STK33: variants seen among roughly 807,000 people sequenced by gnomAD.
The protein encoded by STK33 is serine/threonine-protein kinase 33.
In STK33, 52 loss-of-function variants were observed where a neutral mutation model predicts 58.0. The ratio of observed to expected loss-of-function variants is 0.90; its 90% confidence interval spans 0.72 to 1.13. The LOEUF (loss-of-function observed/expected upper bound fraction) is 1.13, where lower values mean the gene tolerates loss of function less well. Ranked by LOEUF, STK33 falls within the 50% of genes most tolerant of loss-of-function variation. The probability of loss-of-function intolerance (pLI) is 0.00; values close to 1 mark genes in which losing one functional copy is unlikely to be tolerated. For missense variants in STK33, 630 were observed against 604.2 expected (o/e 1.04, Z -0.45); for synonymous variants, 215 against 200.1 (o/e 1.07, Z -0.63).
intron 1 of STK33, among the ~76,000 whole-genome samples, chr11:8,524,567 G>A (rs1360985124): frequency 6.6e-6 from 1 of 152,048 alleles, no homozygotes; most frequent in African/African-American, 2.4e-5. Context: ...AAACCATGAT[G>A]AACTATCTTA....
At chr11:8,484,973 AG>A (rs1950100356) in intron 1 of STK33, among the ~76,000 whole-genome samples, 1 of 152,208 alleles carries the variant, frequency 6.6e-6, no homozygotes, top group Admixed American at 6.5e-5. Flanking sequence ...TTTGGAGCCA[AG>A]GGATTTTTCT....
intron 1 of STK33, among the ~76,000 whole-genome samples, chr11:8,527,924 T>C (rs1206094853): frequency 2.6e-5 from 4 of 152,242 alleles, no homozygotes; most frequent in African/African-American, 4.8e-5. Flanking sequence ...ATTTGAATTA[T>C]ATAAATTATC....
intron 14 of STK33, among the ~76,000 whole-genome samples, chr11:8,418,269 GT>G (rs1331779425): frequency 2.0e-5 from 3 of 151,948 alleles, no homozygotes; most frequent in African/African-American, 7.3e-5. Context: ...TAGTCCCAGT[GT>G]CTGTTGTTCC....
At chr11:8,517,938 C>T (rs1952965322) in intron 1 of STK33, among the ~76,000 whole-genome samples, 1 of 152,144 alleles carries the variant, frequency 6.6e-6, no homozygotes, top group African/African-American at 2.4e-5. Context: ...TCCAGGAGAA[C>T]TTCCCCAACC....
chr11:8,390,023 G>A (rs1393781297), downstream of STK33, among the ~76,000 whole-genome samples: 2 of 152,148 alleles, frequency 1.3e-5, no homozygotes, highest in Non-Finnish European at 2.9e-5. Context: ...TCCGGCTTTG[G>A]CAGAACCATG....
chr11:8,337,594 A>G, the STK33 span, among the ~76,000 whole-genome samples: 1 of 121,042 alleles, frequency 8.3e-6, no homozygotes. Flanking sequence ...CGGAGCCACG[A>G]GGCAGCCTGC....
At chr11:8,506,107 A>G (rs948057149) in intron 1 of STK33, among the ~76,000 whole-genome samples, 10 of 152,192 alleles carry the variant, frequency 6.6e-5, no homozygotes, top group African/African-American at 2.4e-4. Flanking sequence ...ACCCAGTCCA[A>G]TTTTGATAGC....
At chr11:8,466,525 A>G (rs1437399072) in intron 6 of STK33, 2 of 152,222 alleles carry the variant, frequency 1.3e-5, no homozygotes, top group Non-Finnish European at 2.9e-5. Context: ...GTAGGTTCCC[A>G]TAGTCTTGGG....
chr11:8,420,471 G>T (rs545014584), intron 14 of STK33, among the ~76,000 whole-genome samples: 11 of 152,260 alleles, frequency 7.2e-5, no homozygotes, highest in African/African-American at 1.7e-4. Context: ...TGCCTGCCAA[G>T]AATTTCTAGT....
At chr11:8,411,449 T>C (rs1940226650) in intron 15 of STK33, among the ~76,000 whole-genome samples, 1 of 152,226 alleles carries the variant, frequency 6.6e-6, no homozygotes, top group Non-Finnish European at 1.5e-5. Context: ...GGTGCTGAGT[T>C]CAAGTGCTTT....
rs183745538 is a variant in STK33, at chr11:8,399,049, A to T, written c.1345-6339T>A. 5.9e-3 allele frequency among the ~76,000 whole-genome samples: 893 copies of T among 152,296 alleles called. 9 individuals are homozygous for T. The highest frequency in any genetic ancestry group is 0.02 in the African/African-American group (822 of 41,546). On this transcript the variant is annotated intron_variant, in intron 15 of 15. Coordinates refer to ENST00000687296, the MANE Select transcript of STK33 (RefSeq NM_001352389.2). ...TTTAACACCCCACTGTCAACATTAG[A>T]CAGATCAACGAGACAGAAAGTTAAA...
the STK33 span, among the ~76,000 whole-genome samples, chr11:8,336,942 A>G: frequency 1.3e-5 from 2 of 152,228 alleles, no homozygotes; most frequent in Non-Finnish European, 2.9e-5. Context: ...GGCTCAGAGG[A>G]GGCCTCCTGG....
At chr11:8,592,733 T>C (rs528683581) in intron 1 of STK33, among the ~76,000 whole-genome samples, 7 of 152,172 alleles carry the variant, frequency 4.6e-5, no homozygotes, top group Non-Finnish European at 7.3e-5. Context: ...ATGTACATGG[T>C]CACCCAACTT....
intron 1 of STK33, among the ~76,000 whole-genome samples, chr11:8,521,474 T>C (rs1591605423): frequency 6.6e-6 from 1 of 152,240 alleles, no homozygotes; most frequent in East Asian, 1.9e-4. Flanking sequence ...CAAAAATTAA[T>C]TCAAGATGGA....
the STK33 span, among the ~76,000 whole-genome samples, chr11:8,347,065 G>A: frequency 6.6e-6 from 1 of 152,190 alleles, no homozygotes; most frequent in Non-Finnish European, 1.5e-5. Flanking sequence ...GCTTAAAACA[G>A]TCTCTTTCAG....
chr11:8,340,432 A>G, the STK33 span, among the ~76,000 whole-genome samples: 2 of 152,212 alleles, frequency 1.3e-5, no homozygotes, highest in Admixed American at 6.5e-5. Flanking sequence ...TATTGTTCAC[A>G]TAAGTGAACT....
At position 8,538,144 on chromosome 11, in the gene STK33, C is replaced by T. The variant is rs367804929; in HGVS notation, c.-466+55939G>A. On this transcript the variant is annotated intron_variant, in intron 1 of 15. Coordinates refer to ENST00000687296, the MANE Select transcript of STK33 (RefSeq NM_001352389.2). ...CAGAGATTGCAGTGAGCCAAGAATG[C>T]GCTGTTGCACTCTAGCCTCAGTGGC... is the stretch of plus-strand genomic sequence containing the variant. 4.0e-3 allele frequency among the ~76,000 whole-genome samples: 600 copies of T among 151,588 alleles called. 2 individuals carry two copies. The highest frequency in any genetic ancestry group is 0.013 in the African/African-American group (552 of 41,300).
At chr11:8,545,034 G>A (rs554038003) in intron 1 of STK33, among the ~76,000 whole-genome samples, 1 of 152,306 alleles carries the variant, frequency 6.6e-6, no homozygotes, top group South Asian at 2.1e-4. Flanking sequence ...TTTATTCAGA[G>A]AGAAGTGAAG....
the STK33 span, among the ~76,000 whole-genome samples, chr11:8,349,574 C>T: frequency 6.6e-6 from 1 of 152,208 alleles, no homozygotes; most frequent in African/African-American, 2.4e-5. Flanking sequence ...CTCTGACCAC[C>T]TCACATTCAA....
Sources: allele counts gnomAD v4.1 joint callset (sites outside exome capture counted in the v4.1 genomes callset), GRCh38; gene constraint gnomAD v4.1.1; transcripts MANE v1.5; gene names NCBI Gene and HGNC (gene_info 2026-07-23, HGNC 2026-07-21).